Variants in KIAA1217 observed in about 807,000 individuals in gnomAD.
KIAA1217 encodes the protein sickle tail protein homolog.
In KIAA1217, 88 loss-of-function variants were observed where a neutral mutation model predicts 163.9. The ratio of observed to expected loss-of-function variants is 0.54; its 90% CI spans 0.45 to 0.64. The LOEUF (loss-of-function observed/expected upper bound fraction) is 0.64. KIAA1217 is among the 30% of genes least tolerant of loss of function. The pLI, the probability that KIAA1217 is intolerant of heterozygous loss-of-function variation, is 0.00. For synonymous variants in KIAA1217, 903 were observed against 923.1 expected (o/e 0.98, Z 0.39); for missense variants, 2,372 against 2,475.0 (o/e 0.96, Z 0.88).
chr10:23,925,767 C>T (rs1393362349), intron 1 of KIAA1217, among the ~76,000 whole-genome samples: 1 of 152,122 alleles, frequency 6.6e-6, no homozygotes, highest in Non-Finnish European at 1.5e-5. Flanking sequence ...TGTCTCTTTC[C>T]AGCTCTGTGG....
chr10:24,425,528 T>C (rs1490013568), intron 3 of KIAA1217, among the ~76,000 whole-genome samples: 2 of 152,238 alleles, frequency 1.3e-5, no homozygotes, highest in African/African-American at 4.8e-5. Flanking sequence ...TATGATATGC[T>C]TTGTCATTTA....
intron 16 of KIAA1217, among the ~76,000 whole-genome samples, chr10:24,534,904 G>A (rs75172789): frequency 1.0e-3 from 132 of 129,056 alleles, no homozygotes; most frequent in South Asian, 1.7e-3. Flanking sequence ...AAAAAAAAAA[G>A]CGTGGTGAAT....
At chr10:24,425,562 G>T (rs1370568215) in intron 3 of KIAA1217, among the ~76,000 whole-genome samples, 1 of 152,044 alleles carries the variant, frequency 6.6e-6, no homozygotes, top group East Asian at 1.9e-4. Context: ...TTTTCACATT[G>T]CCATATTCTC....
chr10:24,478,029 A>G (rs1014151029), intron 6 of KIAA1217, among the ~76,000 whole-genome samples: 20 of 152,250 alleles, frequency 1.3e-4, no homozygotes, highest in African/African-American at 3.6e-4. Flanking sequence ...TTTTCATATG[A>G]GAGTCTCAAG....
chr10:23,774,956 T>C (rs141197668), intron 1 of KIAA1217, among the ~76,000 whole-genome samples: 1,858 of 152,268 alleles, frequency 0.012, 33 homozygotes, highest in African/African-American at 0.043. Flanking sequence ...ACCCCATGAA[T>C]GGAAAGGGTG....
chr10:23,732,670 T>TC (rs1197038710), intron 1 of KIAA1217, among the ~76,000 whole-genome samples: 1 of 152,154 alleles, frequency 6.6e-6, no homozygotes, highest in African/African-American at 2.4e-5. Flanking sequence ...TTTATTTTTT[T>TC]CCTCTACTTA....
chr10:23,930,217 C>G (rs139984138), intron 1 of KIAA1217, among the ~76,000 whole-genome samples: 1 of 151,840 alleles, frequency 6.6e-6, no homozygotes, highest in Non-Finnish European at 1.5e-5. Flanking sequence ...ATATCCTTCA[C>G]CCACTTTTAA....
chr10:24,028,994 A>G (rs1482008032), intron 2 of KIAA1217, among the ~76,000 whole-genome samples: 1 of 152,188 alleles, frequency 6.6e-6, no homozygotes, highest in Non-Finnish European at 1.5e-5. Flanking sequence ...CTGAGGACAT[A>G]AAAGAGATGT....
chr10:24,363,727 A>C (rs2050353470), intron 2 of KIAA1217, among the ~76,000 whole-genome samples: 1 of 151,794 alleles, frequency 6.6e-6, no homozygotes, highest in Non-Finnish European at 1.5e-5. Flanking sequence ...GTGTGCCACT[A>C]TGCCCAGCTA....
chr10:24,016,150 C>T (rs1357335197), intron 2 of KIAA1217, among the ~76,000 whole-genome samples: 1 of 152,088 alleles, frequency 6.6e-6, no homozygotes, highest in Non-Finnish European at 1.5e-5. Context: ...TCTAACTGGG[C>T]TTTCTGGTGA....
chr10:23,962,366 CA>C (rs1202464324), intron 1 of KIAA1217, among the ~76,000 whole-genome samples: 1 of 152,204 alleles, frequency 6.6e-6, no homozygotes, highest in Non-Finnish European at 1.5e-5. Context: ...ATCACTAGAA[CA>C]GATATTAACT....
At chr10:24,179,412 C>G (rs1042163561) in intron 2 of KIAA1217, among the ~76,000 whole-genome samples, 1 of 151,996 alleles carries the variant, frequency 6.6e-6, no homozygotes, top group African/African-American at 2.4e-5. Flanking sequence ...TGGTACCTCC[C>G]CCCTCACTTC....
At chr10:24,201,131 C>T (rs940512687) in intron 2 of KIAA1217, among the ~76,000 whole-genome samples, 3 of 152,026 alleles carry the variant, frequency 2.0e-5, no homozygotes, top group Admixed American at 6.6e-5. Context: ...ATTAGCCAGA[C>T]GTGGCGGCAC....
Position 24,370,264 on chromosome 10 carries a change from C to CAAA in KIAA1217, c.355-10586_355-10584dup, listed in dbSNP as rs5783891. Among the ~76,000 whole-genome samples the CAAA allele has an allele frequency of 9.0e-3, 662 of 73,370 alleles. 52 individuals carry two copies. The East Asian group carries it at 0.17, about 19-fold the overall frequency. The allele number at this position is 73,370 out of a possible 152,430, so 48.1% of individuals were successfully genotyped here. A position where few individuals can be genotyped will look rare whatever the true frequency, so the allele number is the denominator to read the frequency against. ...TGGGCAACAGAGCGAGACTCTGTCT[C>CAAA]AAAAAAAAAAAAAAAAAAAAAGACA... On this transcript the variant is annotated intron_variant, in intron 2 of 20. Transcript: ENST00000376454.
intron 2 of KIAA1217, among the ~76,000 whole-genome samples, chr10:24,362,317 T>C (rs1294729796): frequency 6.6e-6 from 1 of 152,140 alleles, no homozygotes; most frequent in Non-Finnish European, 1.5e-5. Context: ...TTTCAGAAAT[T>C]TGATAAAAAT....
intron 2 of KIAA1217, among the ~76,000 whole-genome samples, chr10:24,330,563 C>T (rs958099035): frequency 1.3e-5 from 2 of 152,088 alleles, no homozygotes; most frequent in African/African-American, 4.8e-5. Context: ...TATCAGGGGT[C>T]TTGCTGCCCT....
At chr10:24,463,775 C>T (rs1197966970) in intron 5 of KIAA1217, among the ~76,000 whole-genome samples, 1 of 152,224 alleles carries the variant, frequency 6.6e-6, no homozygotes, top group Non-Finnish European at 1.5e-5. Flanking sequence ...TATTTCCTAG[C>T]ACGTCCATTC....
At chr10:24,044,645 A>G in intron 2 of KIAA1217, among the ~76,000 whole-genome samples, 1 of 152,062 alleles carries the variant, frequency 6.6e-6, no homozygotes, top group East Asian at 1.9e-4. Context: ...TAAAATATTG[A>G]TAATAGTTAT....
chr10:24,374,160 G>A (rs2052113661), intron 2 of KIAA1217, among the ~76,000 whole-genome samples: 1 of 152,202 alleles, frequency 6.6e-6, no homozygotes, highest in African/African-American at 2.4e-5. Flanking sequence ...TAGAGAAAAT[G>A]CTTCCCCTTT....
Sources: gnomAD v4.1 joint callset for allele counts (sites outside exome capture counted in the v4.1 genomes callset) on GRCh38, gnomAD v4.1.1 for gene constraint, MANE v1.5 for transcripts, NCBI Gene and HGNC (gene_info 2026-07-23, HGNC 2026-07-21) for gene names.